The following KLHL29 variants were observed in gnomAD, a reference collection of about 807,000 sequenced individuals.
KLHL29 encodes the protein kelch like family member 29, also known as kelch-like protein 29.
KLHL29 carries 21 observed loss-of-function variants against 80.4 expected under a neutral mutation model. The ratio of observed to expected loss-of-function variants is 0.26; its 90% CI spans 0.19 to 0.38. The LOEUF is 0.38. KLHL29 is among the 10% of genes least tolerant of loss of function. The pLI is 1.00. For synonymous variants in KLHL29, 511 were observed against 526.8 expected, an observed-to-expected ratio of 0.97 and a Z score of 0.41; for missense variants, 867 against 1,223.9, an observed-to-expected ratio of 0.71 and a Z score of 4.35.
At position 23,424,247 on chromosome 2, in the gene KLHL29, A is replaced by G. The variant is rs540029091; in HGVS notation, c.-154+38467A>G. Among the ~76,000 whole-genome samples the G allele has an allele frequency of 1.2e-4, 18 of 152,290 alleles. No individual in the cohort carries two copies. In the South Asian group the frequency reaches 3.7e-3, roughly 32 times the overall value. On this transcript the variant is annotated intron_variant, in intron 1 of 13. Transcript: ENST00000486442. ...AATAATTCCTTACATAGTTTCCCCT[A>G]ATATGGAACTTTGGGAGCCTCTGAG... is the stretch of plus-strand genomic sequence containing the variant.
intron 1 of KLHL29, among the ~76,000 whole-genome samples, chr2:23,404,869 C>T (rs1440542186): frequency 3.3e-5 from 5 of 152,170 alleles, no homozygotes; most frequent in African/African-American, 7.2e-5. Flanking sequence ...AGTATATTGT[C>T]GACCCCATCC....
rs771752047 is a variant in KLHL29 at position 23,696,432 on chromosome 2, G to A, written c.2024G>A (p.Arg675Gln). ...LVSRMTVPRC[R>Q]HNSLVYDGKI... ...TCCAGAATGACAGTCCCCCGCTGTC[G>A]GCACAATAGCCTCGTCTACGATGGG... Residue 675 changes from arginine to glutamine, a missense_variant, in exon 11 of 14, where the codon CGG (arginine) becomes CAG (glutamine). Coordinates refer to ENST00000486442, the MANE Select transcript of KLHL29 (RefSeq NM_052920.2). This position sits in a 1 kb window ranked among gnomAD's most constrained non-coding sequence, Gnocchi z 5.5. The A allele has an allele frequency of 7.7e-6, 12 of 1,551,344 alleles. No individual in the cohort carries two copies. The highest frequency in any genetic ancestry group is 3.6e-5 in the South Asian group (3 of 84,010).
chr2:23,527,519 A>AGCTGTGAGCAGAACTTAGAG (rs1167751066), intron 2 of KLHL29, among the ~76,000 whole-genome samples: 2 of 152,214 alleles, frequency 1.3e-5, no homozygotes, highest in African/African-American at 2.4e-5. Flanking sequence ...CTGCTTAGAA[A>AGCTGTGAGCAGAACTTAGAG]GCTGTGAGCA....
intron 5 of KLHL29, among the ~76,000 whole-genome samples, chr2:23,665,193 C>T (rs1411967344): frequency 6.6e-6 from 1 of 152,216 alleles, no homozygotes; most frequent in African/African-American, 2.4e-5. Flanking sequence ...TGTATCCTGA[C>T]ACCACATGGC....
At chr2:23,601,696 G>T (rs530012138) in intron 3 of KLHL29, among the ~76,000 whole-genome samples, 1 of 152,342 alleles carries the variant, frequency 6.6e-6, no homozygotes, top group Non-Finnish European at 1.5e-5. Flanking sequence ...GATACCCAGT[G>T]AGAAGCGTGA....
At chr2:23,626,602 T>C (rs1214502664) in intron 3 of KLHL29, among the ~76,000 whole-genome samples, 7 of 152,186 alleles carry the variant, frequency 4.6e-5, no homozygotes, top group Non-Finnish European at 2.9e-5. Flanking sequence ...TGCACTCCCC[T>C]AGGCCAGAAA....
chr2:23,703,923 T>C, intron 13 of KLHL29, 60 bp downstream of exon 13: 2 of 1,470,386 alleles, frequency 1.4e-6, no homozygotes, highest in Non-Finnish European at 1.8e-6. Context: ...AGGAGGGGTG[T>C]GACCACAATG....
intron 1 of KLHL29, among the ~76,000 whole-genome samples, chr2:23,474,870 G>A (rs923756664): frequency 3.9e-5 from 6 of 152,074 alleles, no homozygotes; most frequent in South Asian, 2.1e-4. Context: ...AATGACAGTC[G>A]TGCGTTTTGC....
chr2:23,458,835 G>A (rs1026055978), intron 1 of KLHL29, among the ~76,000 whole-genome samples: 4 of 152,208 alleles, frequency 2.6e-5, no homozygotes, highest in African/African-American at 9.7e-5. Context: ...ACATGCAGCT[G>A]GTGCATGCAT....
chr2:23,631,946 C>CT (rs1234072902), intron 3 of KLHL29, among the ~76,000 whole-genome samples: 1 of 152,212 alleles, frequency 6.6e-6, no homozygotes, highest in Non-Finnish European at 1.5e-5. Context: ...AACGCAAAGA[C>CT]TTTCATTGAT....
intron 3 of KLHL29, among the ~76,000 whole-genome samples, chr2:23,581,325 A>G (rs1231832083): frequency 6.6e-6 from 1 of 152,104 alleles, no homozygotes. Flanking sequence ...ATTCTCTTTC[A>G]TGTATTCATT....
At chr2:23,436,057 C>T (rs1268162823) in intron 1 of KLHL29, among the ~76,000 whole-genome samples, 1 of 152,116 alleles carries the variant, frequency 6.6e-6, no homozygotes, top group Non-Finnish European at 1.5e-5. Context: ...ATCTCCAACT[C>T]CTCTTAAAGT....
At chr2:23,525,009 G>A (rs142282833) in intron 2 of KLHL29, among the ~76,000 whole-genome samples, 145 of 152,284 alleles carry the variant, frequency 9.5e-4, no homozygotes, top group African/African-American at 3.3e-3. Context: ...ATTCTGGCTC[G>A]TAAGAATACA....
chr2:23,435,899 CTT>C (rs769975340), intron 1 of KLHL29, among the ~76,000 whole-genome samples: 51 of 135,382 alleles, frequency 3.8e-4, no homozygotes, highest in Admixed American at 3.0e-4. Flanking sequence ...CTCTCTCTCT[CTT>C]TTTTTTTTTT....
intron 1 of KLHL29, among the ~76,000 whole-genome samples, chr2:23,463,257 TCA>T (rs936450589): frequency 6.6e-6 from 1 of 151,988 alleles, no homozygotes; most frequent in Non-Finnish European, 1.5e-5. Context: ...AGGTAAATAT[TCA>T]CAGTCTCTTT....
intron 3 of KLHL29, among the ~76,000 whole-genome samples, chr2:23,598,714 C>T (rs909820148): frequency 2.0e-5 from 3 of 152,232 alleles, no homozygotes; most frequent in Non-Finnish European, 4.4e-5. Context: ...TTAGCAGAGG[C>T]CAAGGCTCCC....
chr2:23,673,511 C>T (rs1486091215), intron 5 of KLHL29, among the ~76,000 whole-genome samples: 1 of 151,906 alleles, frequency 6.6e-6, no homozygotes, highest in Non-Finnish European at 1.5e-5. Context: ...ACACCACATG[C>T]TTCCATACAC....
intron 2 of KLHL29, among the ~76,000 whole-genome samples, chr2:23,516,482 C>T (rs962184844): frequency 5.9e-5 from 9 of 152,114 alleles, no homozygotes; most frequent in Non-Finnish European, 4.4e-5. Context: ...TTCTCTTCCT[C>T]TTCCCCTGCA....
At position 23,706,666 on chromosome 2, in the gene KLHL29, A is replaced by G; in HGVS notation, c.*2A>G. 1.3e-6 allele frequency: 2 copies of G among 1,517,676 alleles called. No homozygotes were observed. The highest frequency in any genetic ancestry group is 1.8e-6 in the Non-Finnish European group (2 of 1,133,172). The allele number at this position is 1,517,676 out of a possible 1,614,324, so 94.0% of individuals were successfully genotyped here. ...AAGAAATATATTCAAAGCGGCTGAC[A>G]TCAGCAGAAAGCCCACGATAAGACT... On this transcript the variant is annotated 3_prime_UTR_variant, in exon 14 of 14. Coordinates refer to ENST00000486442, the MANE Select transcript of KLHL29 (RefSeq NM_052920.2).
Sources: allele counts gnomAD v4.1 joint callset (sites outside exome capture counted in the v4.1 genomes callset), GRCh38; gene constraint gnomAD v4.1.1; non-coding constraint Gnocchi (gnomAD v3.1); transcripts MANE v1.5; gene names NCBI Gene and HGNC (gene_info 2026-07-23, HGNC 2026-07-21).